The following LDHB variants were observed in gnomAD, a reference collection of about 807,000 sequenced individuals.
LDHB encodes L-lactate dehydrogenase B chain.
In LDHB, 18 loss-of-function variants were observed where a neutral mutation model predicts 33.4. That is an observed-to-expected ratio of 0.54 (90% CI 0.37 to 0.80). The LOEUF (loss-of-function observed/expected upper bound fraction) is 0.80. Among genes scored for constraint, LDHB ranks in the 30% least tolerant of loss-of-function variants. The pLI is 0.00. For missense variants in LDHB, 345 were observed against 407.9 expected (o/e 0.85, Z 1.33); for synonymous variants, 121 against 140.6 (o/e 0.86, Z 0.98).
chr12:21,656,711 T>C (rs892545420), intron 1 of LDHB, among the ~76,000 whole-genome samples: 11 of 152,010 alleles, frequency 7.2e-5, no homozygotes, highest in Non-Finnish European at 2.9e-5. Flanking sequence ...TTAAAAAGAG[T>C]TTTAAGAAAT....
chr12:21,649,709 C>CTT (rs1234405990), intron 2 of LDHB, among the ~76,000 whole-genome samples: 1 of 152,096 alleles, frequency 6.6e-6, no homozygotes, highest in African/African-American at 2.4e-5. Context: ...CCTGTGTGGA[C>CTT]CAGACACAGC....
chr12:21,638,398 T>G lies in LDHB; in HGVS notation c.668A>C (p.Asn223Thr). 2 of 1,611,674 alleles carry G rather than the reference T, an allele frequency of 1.2e-6. No homozygotes were observed. The highest frequency in any genetic ancestry group is 1.7e-6 in the Non-Finnish European group (2 of 1,178,262). The change falls in exon 6 of 8, where the codon AAT becomes ACT. Residue 223 changes from asparagine (N) to threonine (T), a missense_variant. By Grantham distance (65) the Asn-to-Thr change is moderately conservative. Coordinates refer to ENST00000350669, the MANE Select transcript of LDHB (RefSeq NM_002300.8). ...QELNPEMGTD[N>T]DSENWKEVHK... is the part of the protein sequence containing the mutation. ...CACTTCCTTCCAATTTTCACTATCA[T>G]TGTCAGTTCCCATTTCTGGATTCAA...
rs546656714 is a variant in LDHB at position 21,647,036 on chromosome 12, C to T, written c.130-20G>A. 4.2e-6 allele frequency: 6 copies of T among 1,442,184 alleles called. No individual in the cohort carries two copies. The East Asian group carries it at 6.8e-5, about 16-fold the overall frequency. The allele number at this position is 1,442,184 out of a possible 1,614,324, so 89.3% of individuals were successfully genotyped here. A position where few individuals can be genotyped will look rare whatever the true frequency, so the allele number is the denominator to read the frequency against. On this transcript the variant is annotated intron_variant, in intron 2 of 7. Transcript: ENST00000350669. ...CAGAGACTGTAAACGCAAAAACAGG[C>T]ATTAGAACCCTAAGCCACTCTAGGA...
chr12:21,644,203 G>T, intron 3 of LDHB, 95 bp from the exon 4 acceptor site: 1 of 907,398 alleles, frequency 1.1e-6, no homozygotes, highest in Non-Finnish European at 1.8e-6. Flanking sequence ...CCATACATAA[G>T]CTTCTAGAAC....
intron 3 of LDHB, among the ~76,000 whole-genome samples, chr12:21,644,962 A>G (rs1010482899): frequency 6.6e-5 from 10 of 152,188 alleles, no homozygotes; most frequent in African/African-American, 2.2e-4. Flanking sequence ...AGAAAGAGAG[A>G]TCAGACTGTT....
intron 2 of LDHB, among the ~76,000 whole-genome samples, chr12:21,647,367 CTTT>C (rs1938554640): frequency 6.6e-6 from 1 of 152,058 alleles, no homozygotes; most frequent in Non-Finnish European, 1.5e-5. Context: ...AATTTGGAGG[CTTT>C]CTGAGATGGT....
chr12:21,642,142 T>C lies in LDHB; in HGVS notation c.422-17A>G, dbSNP rs1662616741. On this transcript the variant is annotated splice_polypyrimidine_tract_variant and intron_variant, in intron 4 of 7. Coordinates refer to ENST00000350669, the MANE Select transcript of LDHB (RefSeq NM_002300.8). ...GAATGTCCACTAAAAATTTTGGAAA[T>C]AATATATGTAAGTAAACCAAAACCA... is the stretch of plus-strand genomic sequence containing the variant. 1.9e-6 allele frequency: 3 copies of C among 1,602,590 alleles called. No homozygotes were observed. The highest frequency in any genetic ancestry group is 2.2e-5 in the South Asian group (2 of 90,870).
chr12:21,636,344 T>TAAA (rs546167683), intron 7 of LDHB, among the ~76,000 whole-genome samples: 1 of 126,512 alleles, frequency 7.9e-6, no homozygotes, highest in African/African-American at 2.9e-5. Context: ...CAAGAATTGC[T>TAAA]AAAAAAAAAA....
At chr12:21,636,946 TA>T in intron 7 of LDHB, 124 bp downstream of exon 7, 2 of 880,768 alleles carry the variant, frequency 2.3e-6, no homozygotes, top group Non-Finnish European at 3.7e-6. Flanking sequence ...ATAGTTTACA[TA>T]AAACTTTGAG....
chr12:21,636,329 A>T (rs1401473782), intron 7 of LDHB, among the ~76,000 whole-genome samples: 1 of 151,640 alleles, frequency 6.6e-6, no homozygotes, highest in Non-Finnish European at 1.5e-5. Flanking sequence ...GATGCTTGGA[A>T]TACCCAAGAA....
intron 2 of LDHB, among the ~76,000 whole-genome samples, chr12:21,651,284 G>A (rs927417254): frequency 2.0e-5 from 3 of 152,216 alleles, no homozygotes; most frequent in Non-Finnish European, 4.4e-5. Context: ...ATGTATGTGT[G>A]TAGCATATGT....
chr12:21,650,002 G>T (rs1388196796), intron 2 of LDHB, among the ~76,000 whole-genome samples: 1 of 151,940 alleles, frequency 6.6e-6, no homozygotes. Flanking sequence ...TGAGGCAGGA[G>T]AATCACTTGA....
At chr12:21,638,310 G>C in intron 6 of LDHB, 43 bp downstream of exon 6, 1 of 981,960 alleles carries the variant, frequency 1.0e-6, no homozygotes, top group Non-Finnish European at 1.7e-6. Context: ...TATTTAAGTA[G>C]AGTTGAAATT....
intron 1 of LDHB, 145 bp from the exon 2 acceptor site, chr12:21,654,822 T>C (rs1938794144): frequency 1.3e-6 from 1 of 753,988 alleles, no homozygotes; most frequent in East Asian, 2.7e-5. Context: ...AGAATATATT[T>C]TAAAGAACCA....
At chr12:21,655,855 T>C (rs1002748727) in intron 1 of LDHB, among the ~76,000 whole-genome samples, 1 of 152,228 alleles carries the variant, frequency 6.6e-6, no homozygotes, top group Non-Finnish European at 1.5e-5. Flanking sequence ...GCAAAACTTA[T>C]CGAAATAAAC....
rs765871273 is a variant in LDHB at position 21,646,911 on chromosome 12, C to G, written c.235G>C (p.Val79Leu). The change falls in exon 3 of 8, where the codon GTG (valine) becomes CTG (leucine). Residue 79 changes from valine (V) to leucine (L), a missense_variant. Coordinates refer to ENST00000350669, the MANE Select transcript of LDHB (RefSeq NM_002300.8). ...GSLFLQTPKI[V>L]ADKDYSVTAN... Reference sequence around the variant, plus strand: ...TAAGTGAAATTACCTTTATCTGCCACAATTTTAGGTGTCTGAAGAAATAAG... The same window carrying G: ...TAAGTGAAATTACCTTTATCTGCCAGAATTTTAGGTGTCTGAAGAAATAAG... 1 of 1,605,258 alleles carries G rather than the reference C, an allele frequency of 6.2e-7. No individual in the cohort carries two copies. The highest frequency in any genetic ancestry group is 1.7e-5 in the Admixed American group (1 of 60,008).
At chr12:21,652,622 G>A (rs972208948) in intron 2 of LDHB, among the ~76,000 whole-genome samples, 2 of 148,014 alleles carry the variant, frequency 1.4e-5, no homozygotes, top group Non-Finnish European at 2.9e-5. Context: ...AGAAGGAAAT[G>A]CAAAAGGATA....
intron 1 of LDHB, chr12:21,657,482 G>T: frequency 6.6e-6 from 1 of 152,508 alleles, no homozygotes; most frequent in Non-Finnish European, 1.5e-5. Context: ...GACAAGTAGG[G>T]CCTGGTTTTA....
At chr12:21,651,767 A>G (rs1271921156) in intron 2 of LDHB, among the ~76,000 whole-genome samples, 1 of 152,238 alleles carries the variant, frequency 6.6e-6, no homozygotes, top group East Asian at 1.9e-4. Flanking sequence ...ATAATTTGGA[A>G]CCACTTTTAT....
Sources: gnomAD v4.1 joint callset for allele counts (sites outside exome capture counted in the v4.1 genomes callset) on GRCh38, gnomAD v4.1.1 for gene constraint, MANE v1.5 for transcripts, NCBI Gene and HGNC (gene_info 2026-07-23, HGNC 2026-07-21) for gene names.